The following MACROD2 variants were observed in gnomAD, a reference collection of about 807,000 sequenced individuals.
MACROD2 encodes the protein mono-ADP ribosylhydrolase 2.
Under a neutral mutation model 70.4 loss-of-function variants are expected in MACROD2, and 36 were observed. The observed-to-expected ratio is 0.51, with a 90% CI of 0.39 to 0.68. MACROD2 has a LOEUF of 0.68. MACROD2 is among the 30% of genes least tolerant of loss of function. The pLI is 0.00. For missense variants in MACROD2, 496 were observed against 538.4 expected (o/e 0.92, Z 0.78); for synonymous variants, 172 against 178.8 (o/e 0.96, Z 0.30).
chr20:16,052,655 G>A lies in MACROD2; in HGVS notation c.*2779G>A, dbSNP rs73092737. The A allele has an allele frequency of 0.13, 19,080 of 152,608 alleles. 1,270 individuals are homozygous for A. The highest frequency in any genetic ancestry group is 0.15 in the African/African-American group (6,030 of 41,514). The allele number at this position is 152,608 out of a possible 1,614,324, so 9.5% of individuals were successfully genotyped here. A position where few individuals can be genotyped will look rare whatever the true frequency, so the allele number is the denominator to read the frequency against. ...CATCCGAATCACTGTCTGTGATACT[G>A]GGTCACATATTAATCACTGCAGCTA... On this transcript the variant is annotated 3_prime_UTR_variant, in exon 18 of 18. Coordinates refer to ENST00000684519, the MANE Select transcript of MACROD2 (RefSeq NM_001351661.2).
chr20:14,829,904 C>A (rs1477636206), intron 5 of MACROD2, among the ~76,000 whole-genome samples: 1 of 152,042 alleles, frequency 6.6e-6, no homozygotes, highest in Non-Finnish European at 1.5e-5. Flanking sequence ...ACTATTATTT[C>A]CCTAGAAGTT....
intron 4 of MACROD2, among the ~76,000 whole-genome samples, chr20:14,595,049 G>A (rs41382748): frequency 0.18 from 27,871 of 151,872 alleles, 3,328 homozygotes; most frequent in Non-Finnish European, 0.26. Context: ...CATAAAAATG[G>A]GTCAAACCAT....
intron 7 of MACROD2, among the ~76,000 whole-genome samples, chr20:15,472,851 G>A (rs2046978915): frequency 6.6e-6 from 1 of 151,910 alleles, no homozygotes. Context: ...ACAGAATCTT[G>A]TTTTCTATTT....
chr20:14,423,755 A>ATTTTTTTTTTTT lies in MACROD2; in HGVS notation c.272-69711_272-69700dup, dbSNP rs1165796772. On this transcript the variant is annotated intron_variant, in intron 3 of 17. Transcript: ENST00000684519. ...GTCCACCATTTTGCTGACATCTTAA[A>ATTTTTTTTTTTT]TTTTTTTTTTTTTTTTTTTTTTTTG... 4.4e-3 allele frequency among the ~76,000 whole-genome samples: 275 copies of ATTTTTTTTTTTT among 63,108 alleles called. 15 individuals carry two copies. Among genetic ancestry groups the ATTTTTTTTTTTT allele is most frequent in the Non-Finnish European group, 6.4e-3 (227 of 35,546 alleles). The allele number at this position is 63,108 out of a possible 152,430, so 41.4% of individuals were successfully genotyped here.
chr20:15,770,089 C>CTTT (rs1156897064), intron 8 of MACROD2, among the ~76,000 whole-genome samples: 6 of 44,382 alleles, frequency 1.4e-4, no homozygotes, highest in African/African-American at 1.9e-4. Flanking sequence ...TTTTAATTTT[C>CTTT]TTTTTTTTTT....
At chr20:14,327,232 T>C (rs1601484034) in intron 3 of MACROD2, 1 of 1,613,736 alleles carries the variant, frequency 6.2e-7, no homozygotes, top group East Asian at 2.2e-5. Context: ...TAAACTGTTG[T>C]GGTATAGGTA....
intron 3 of MACROD2, among the ~76,000 whole-genome samples, chr20:14,204,488 G>A (rs1326415084): frequency 6.6e-6 from 1 of 152,142 alleles, no homozygotes; most frequent in East Asian, 1.9e-4. Flanking sequence ...GGGTATGTGT[G>A]TGTGACCCAG....
chr20:14,317,531 G>A (rs548168212), intron 3 of MACROD2, among the ~76,000 whole-genome samples: 2 of 150,980 alleles, frequency 1.3e-5, no homozygotes, highest in African/African-American at 4.9e-5. Context: ...CAGGAGAATC[G>A]CTTGAACCTG....
At chr20:15,323,902 G>C (rs1046663072) in intron 6 of MACROD2, among the ~76,000 whole-genome samples, 1 of 152,060 alleles carries the variant, frequency 6.6e-6, no homozygotes, top group African/African-American at 2.4e-5. Flanking sequence ...ACCTCATGTA[G>C]CCAAGTTGGA....
At chr20:15,868,829 C>T (rs2064532076) in intron 9 of MACROD2, among the ~76,000 whole-genome samples, 2 of 152,022 alleles carry the variant, frequency 1.3e-5, no homozygotes, top group Admixed American at 1.3e-4. Flanking sequence ...GACTGGAGCG[C>T]AGTAACGCAA....
chr20:15,854,696 G>A (rs2064338080), intron 8 of MACROD2, among the ~76,000 whole-genome samples: 1 of 152,160 alleles, frequency 6.6e-6, no homozygotes, highest in African/African-American at 2.4e-5. Flanking sequence ...CACTTGGTGG[G>A]AGAGGAGGGA....
chr20:14,354,886 A>G (rs879407783), intron 3 of MACROD2, among the ~76,000 whole-genome samples: 5 of 152,224 alleles, frequency 3.3e-5, no homozygotes, highest in East Asian at 1.9e-4. Context: ...AACATGCAGT[A>G]TTTGGTTTTC....
intron 5 of MACROD2, among the ~76,000 whole-genome samples, chr20:15,110,925 A>G (rs1335275125): frequency 1.3e-5 from 2 of 152,198 alleles, no homozygotes; most frequent in African/African-American, 2.4e-5. Flanking sequence ...TTTATTGATT[A>G]CTTACTATGT....
intron 5 of MACROD2, among the ~76,000 whole-genome samples, chr20:14,804,522 A>G (rs2072615560): frequency 6.6e-6 from 1 of 152,054 alleles, no homozygotes; most frequent in African/African-American, 2.4e-5. Context: ...CCAACAACAT[A>G]GGTCCATGGA....
intron 2 of MACROD2, among the ~76,000 whole-genome samples, chr20:14,062,194 G>C (rs757047064): frequency 7.2e-5 from 11 of 152,020 alleles, no homozygotes; most frequent in Non-Finnish European, 1.6e-4. Context: ...AGTGTCCTTT[G>C]TTTTAGCTTC....
chr20:14,095,687 G>C (rs2054214575), intron 3 of MACROD2, among the ~76,000 whole-genome samples: 1 of 152,110 alleles, frequency 6.6e-6, no homozygotes, highest in Non-Finnish European at 1.5e-5. Flanking sequence ...ACCAATATGT[G>C]ATATCAGGAG....
chr20:15,586,258 A>G (rs2048600342), intron 8 of MACROD2, among the ~76,000 whole-genome samples: 1 of 152,162 alleles, frequency 6.6e-6, no homozygotes, highest in Non-Finnish European at 1.5e-5. Context: ...ACTCTGATAC[A>G]GTAGGTCTGG....
At chr20:14,700,354 A>G (rs1306844616) in intron 5 of MACROD2, among the ~76,000 whole-genome samples, 1 of 152,178 alleles carries the variant, frequency 6.6e-6, no homozygotes. Flanking sequence ...TGAGTTTTAT[A>G]GAACTGTTTC....
intron 13 of MACROD2, among the ~76,000 whole-genome samples, chr20:15,977,031 A>G (rs1371603140): frequency 1.3e-5 from 2 of 152,274 alleles, no homozygotes; most frequent in Admixed American, 6.5e-5. Flanking sequence ...AATTCCTCTG[A>G]AAATTTATCA....
Sources: allele counts gnomAD v4.1 joint callset (sites outside exome capture counted in the v4.1 genomes callset), GRCh38; gene constraint gnomAD v4.1.1; transcripts MANE v1.5; gene names NCBI Gene and HGNC (gene_info 2026-07-23, HGNC 2026-07-21).